FOXN4: variants seen among roughly 807,000 people sequenced by gnomAD.
FOXN4 encodes forkhead box protein N4.
Under a neutral mutation model 45.0 loss-of-function variants are expected in FOXN4, and 12 were observed. The ratio of observed to expected loss-of-function variants is 0.27; its 90% CI spans 0.17 to 0.43. The LOEUF is 0.43. FOXN4 is among the 20% of genes least tolerant of loss of function. The pLI is 1.00. For missense variants in FOXN4, 560 were observed against 694.9 expected (o/e 0.81, Z 2.18); for synonymous variants, 297 against 295.0 (o/e 1.01, Z -0.07).
intron 2 of FOXN4, among the ~76,000 whole-genome samples, chr12:109,293,874 C>T (rs915178025): frequency 6.6e-5 from 10 of 152,138 alleles, no homozygotes; most frequent in Admixed American, 3.9e-4. Flanking sequence ...ACTGACAGAG[C>T]GGTCTTCCAC....
In FOXN4 at chr12:109,278,544, A is replaced by G. The variant is rs2047625261; in HGVS notation, c.*1127T>C. 6.6e-6 allele frequency: 1 copy of G among 152,226 alleles called. No homozygotes were observed. The highest frequency in any genetic ancestry group is 1.5e-5 in the Non-Finnish European group (1 of 68,036). The allele number at this position is 152,226 out of a possible 1,614,324, so 9.4% of individuals were successfully genotyped here. On this transcript the variant is annotated 3_prime_UTR_variant, in exon 10 of 10. Transcript: ENST00000299162. ...GGGAGGTGAGGAAGTGCCAATAAAT[A>G]TCATGCGTTGAAGTTTTGTCCACCA...
At chr12:109,294,477 C>T (rs2047798174) in intron 2 of FOXN4, among the ~76,000 whole-genome samples, 2 of 152,152 alleles carry the variant, frequency 1.3e-5, no homozygotes, top group African/African-American at 2.4e-5. Flanking sequence ...GCCCCTGCTT[C>T]CCCACTACTC....
chr12:109,303,140 T>A (rs2136946235), intron 2 of FOXN4, among the ~76,000 whole-genome samples: 1 of 152,288 alleles, frequency 6.6e-6, no homozygotes, highest in South Asian at 2.1e-4. Flanking sequence ...TGCACACATG[T>A]GTTTTTTAGG....
chr12:109,298,697 A>T (rs1440282569), intron 2 of FOXN4, among the ~76,000 whole-genome samples: 1 of 152,124 alleles, frequency 6.6e-6, no homozygotes, highest in Non-Finnish European at 1.5e-5. Flanking sequence ...AGACCCCGAC[A>T]TTTGTGGGAG....
chr12:109,285,272 T>C (rs10774643), intron 8 of FOXN4, 32 bp downstream of exon 8: 549,914 of 1,498,086 alleles, frequency 0.37, 99,745 homozygotes, highest in South Asian at 0.44. Flanking sequence ...TGTGTGTGTG[T>C]GTGCGCGCAC....
At chr12:109,308,778 C>T (rs1253870032) in intron 1 of FOXN4, among the ~76,000 whole-genome samples, 1 of 152,136 alleles carries the variant, frequency 6.6e-6, no homozygotes, top group African/African-American at 2.4e-5. Context: ...AGGGAATAAT[C>T]CCCGCAAGCT....
At position 109,291,926 on chromosome 12, in the gene FOXN4, TGCCACCCCTCCGGCC is replaced by T. The variant is rs983022531; in HGVS notation, c.87-1655_87-1641del. ...GCAATTGTTTCTGCAGCCCCCCGGCTGCCACCCCTCCGGCCGCCACCCCTCCGGCTGCCACCCCTC... is the reference window on the plus strand; with the variant it reads ...GCAATTGTTTCTGCAGCCCCCCGGCTGCCACCCCTCCGGCTGCCACCCCTC... On this transcript the variant is annotated intron_variant, in intron 2 of 9. Transcript: ENST00000299162. The surrounding 1 kb of genome is among the most constrained non-coding windows in gnomAD (Gnocchi z 6.6). Among the ~76,000 whole-genome samples the T allele has an allele frequency of 8.0e-5, 12 of 149,134 alleles. No individual in the cohort carries two copies. The highest frequency in any genetic ancestry group is 7.8e-4 in the East Asian group (4 of 5,152).
In FOXN4 at chr12:109,279,485, G is replaced by T; in HGVS notation, c.*186C>A. 1 of 847,260 alleles carries T rather than the reference G, an allele frequency of 1.2e-6. No individual in the cohort carries two copies. Among genetic ancestry groups the T allele is most frequent in the Non-Finnish European group, 1.8e-6 (1 of 561,672 alleles). The allele number at this position is 847,260 out of a possible 1,614,324, so 52.5% of individuals were successfully genotyped here. A position where few individuals can be genotyped will look rare whatever the true frequency, so the allele number is the denominator to read the frequency against. On this transcript the variant is annotated 3_prime_UTR_variant, in exon 10 of 10. Coordinates refer to ENST00000299162, the MANE Select transcript of FOXN4 (RefSeq NM_213596.3). ...CCCAGAAACTGCTCCGGAAGCTCCAGGGGGAGGCACGAGAAGGAGAGGGGC... is the reference window on the plus strand; with the variant it reads ...CCCAGAAACTGCTCCGGAAGCTCCATGGGGAGGCACGAGAAGGAGAGGGGC...
Position 109,287,659 on chromosome 12 carries a change from A to C in FOXN4, c.469-135T>G. 1 of 1,285,832 alleles carries C rather than the reference A, an allele frequency of 7.8e-7. No individual in the cohort carries two copies. The highest frequency in any genetic ancestry group is 2.9e-5 in the Admixed American group (1 of 34,716). 79.7% of individuals were successfully genotyped at this position (1,285,832 alleles called of 1,614,324 possible). ...TGTGGGGATTCACAACCGTCCAGGA[A>C]ACAATCTTGTCTCCACTCAGGGCAG... On this transcript the variant is annotated intron_variant, in intron 5 of 9. Transcript: ENST00000299162. The surrounding 1 kb of genome is among the most constrained non-coding windows in gnomAD (Gnocchi z 4.1).
At chr12:109,304,225 A>G (rs537694298) in intron 2 of FOXN4, among the ~76,000 whole-genome samples, 109 of 23,376 alleles carry the variant, frequency 4.7e-3, no homozygotes, top group African/African-American at 0.017. Flanking sequence ...AAGAAAGAGA[A>G]AGAAAGAAAG....
chr12:109,290,172 C>A lies in FOXN4; in HGVS notation c.201G>T (p.Leu67=). 1 of 1,551,116 alleles carries A rather than the reference C, an allele frequency of 6.4e-7. No homozygotes were observed. The highest frequency in any genetic ancestry group is 8.7e-7 in the Non-Finnish European group (1 of 1,146,746). The change falls in exon 3 of 10, where the codon CTG becomes CTT. Residue 67 remains leucine, a synonymous_variant. Transcript: ENST00000299162. This position sits in a 1 kb window ranked among gnomAD's most constrained non-coding sequence, Gnocchi z 5.1. ...GTGGATGTGGCACGCAGGGGCCACC[C>A]AGGTCCACGCGGCCACTTGCCATCT... The part of the protein sequence containing the change: ...LQQMASGRVD[L]GGPCVPHPHP...
At position 109,279,546 on chromosome 12, in the gene FOXN4, C is replaced by T; in HGVS notation, c.*125G>A. 2.1e-6 allele frequency: 3 copies of T among 1,432,198 alleles called. No homozygotes were observed. The highest frequency in any genetic ancestry group is 2.8e-6 in the Non-Finnish European group (3 of 1,072,652). 88.7% of individuals were successfully genotyped at this position (1,432,198 alleles called of 1,614,324 possible). ...AACCGCTTCCCTGTCCAGCCGGCAA[C>T]TTCGCCACAGGTCCAGGAGAGGCTT... On this transcript the variant is annotated 3_prime_UTR_variant, in exon 10 of 10. Coordinates refer to ENST00000299162, the MANE Select transcript of FOXN4 (RefSeq NM_213596.3).
intron 3 of FOXN4, among the ~76,000 whole-genome samples, chr12:109,289,906 C>T (rs1338133179): frequency 6.6e-6 from 1 of 152,206 alleles, no homozygotes; most frequent in Non-Finnish European, 1.5e-5. Flanking sequence ...AGTGTGGCAG[C>T]GGGACTCTAT....
In FOXN4 at chr12:109,287,118, C is replaced by T. The variant is rs371391982; in HGVS notation, c.596+279G>A. 1.3e-5 allele frequency among the ~76,000 whole-genome samples: 2 copies of T among 152,128 alleles called. No individual in the cohort carries two copies. The highest frequency in any genetic ancestry group is 2.9e-5 in the Non-Finnish European group (2 of 68,026). On this transcript the variant is annotated intron_variant, in intron 6 of 9. Coordinates refer to ENST00000299162, the MANE Select transcript of FOXN4 (RefSeq NM_213596.3). The surrounding 1 kb of genome is among the most constrained non-coding windows in gnomAD (Gnocchi z 4.1). The stretch of plus-strand genomic sequence containing the variant: ...GATGACTTTTTACATTTGGGGAAAT[C>T]GAGGCTCAGAGAGGTCATCCCACTT...
At chr12:109,299,397 A>G (rs1452274290) in intron 2 of FOXN4, among the ~76,000 whole-genome samples, 1 of 152,252 alleles carries the variant, frequency 6.6e-6, no homozygotes, top group East Asian at 1.9e-4. Context: ...ACATATGCAC[A>G]CACAACACAC....
Position 109,291,258 on chromosome 12 carries a change from G to A in FOXN4, c.87-972C>T, listed in dbSNP as rs2047765147. ...TGCCCTCAAGTCACACTTGCCACGC[G>A]ACTCCGAGAGCATCGGGTCTTACAC... On this transcript the variant is annotated intron_variant, in intron 2 of 9. Coordinates refer to ENST00000299162, the MANE Select transcript of FOXN4 (RefSeq NM_213596.3). The surrounding 1 kb of genome is among the most constrained non-coding windows in gnomAD (Gnocchi z 6.6). 1.3e-5 allele frequency among the ~76,000 whole-genome samples: 2 copies of A among 151,838 alleles called. No individual in the cohort carries two copies. Among genetic ancestry groups the A allele is most frequent in the African/African-American group, 2.4e-5 (1 of 41,354 alleles).
rs751244920 is a variant in FOXN4, at chr12:109,281,729, C to T, written c.972G>A (p.Glu324=). The T allele has an allele frequency of 8.1e-6, 13 of 1,608,788 alleles. No homozygotes were observed. Among genetic ancestry groups the T allele is most frequent in the Non-Finnish European group, 1.0e-5 (12 of 1,177,824 alleles). ...CRRPGKPGEP[E]APVLTHATTV... ...TGGTGGCGTGAGTCAGCACGGGGGC[C>T]TCTGGTTCCCCCGGTTTGCCGGGGC... is the stretch of plus-strand genomic sequence containing the variant. The change falls in exon 9 of 10, where the codon GAG becomes GAA. Residue 324 remains glutamate, a synonymous_variant. Transcript: ENST00000299162.
chr12:109,288,161 G>A lies in FOXN4; in HGVS notation c.252C>T (p.Ala84=), dbSNP rs1284826134. The change falls in exon 4 of 10, where the codon GCC becomes GCT. Residue 84 remains alanine, a synonymous_variant. Transcript: ENST00000299162. The surrounding 1 kb of genome is among the most constrained non-coding windows in gnomAD (Gnocchi z 4.3). ...TTGGAGTGGCTCCCACATGCAGGTC[G>A]GCCACCCCAGCCAAGGCACCTGCCG... is the stretch of plus-strand genomic sequence containing the variant. ...HPHPGALAGV[A]DLHVGATPSP... 91 of 1,547,154 alleles carry A rather than the reference G, an allele frequency of 5.9e-5. No individual in the cohort carries two copies. The highest frequency in any genetic ancestry group is 1.7e-4 in the East Asian group (7 of 40,872).
rs1037108889 is a variant in FOXN4, at chr12:109,290,182, C to T, written c.191G>A (p.Arg64His). Reference sequence around the variant, plus strand: ...CACGCAGGGGCCACCCAGGTCCACGCGGCCACTTGCCATCTGCTGCAGCCG... The same window carrying T: ...CACGCAGGGGCCACCCAGGTCCACGTGGCCACTTGCCATCTGCTGCAGCCG... ...VPRLQQMASG[R>H]VDLGGPCVPH... The change falls in exon 3 of 10, where the codon CGC becomes CAC. Residue 64 changes from arginine to histidine, a missense_variant. By Grantham distance (29) the Arg-to-His change is conservative. Around this residue, in one of 5 missense-constraint regions of FOXN4, gnomAD observed 142 missense variants for 185.7 expected, o/e 0.76. Coordinates refer to ENST00000299162, the MANE Select transcript of FOXN4 (RefSeq NM_213596.3). This position sits in a 1 kb window ranked among gnomAD's most constrained non-coding sequence, Gnocchi z 5.1. The T allele has an allele frequency of 5.2e-6, 8 of 1,551,200 alleles. No individual in the cohort carries two copies. Among genetic ancestry groups the T allele is most frequent in the African/African-American group, 1.4e-5 (1 of 73,014 alleles).
Sources: allele counts gnomAD v4.1 joint callset (sites outside exome capture counted in the v4.1 genomes callset), GRCh38; gene constraint gnomAD v4.1.1; regional missense constraint gnomAD v4.1.1; non-coding constraint Gnocchi (gnomAD v3.1); transcripts MANE v1.5; gene names NCBI Gene and HGNC (gene_info 2026-07-23, HGNC 2026-07-21).